The following MTMR3 variants were observed in gnomAD, a reference collection of about 807,000 sequenced individuals.
MTMR3 encodes myotubularin related protein 3, also known as phosphatidylinositol-3,5-bisphosphate 3-phosphatase MTMR3.
Under a neutral mutation model 132.4 loss-of-function variants are expected in MTMR3, and 32 were observed. The observed-to-expected ratio is 0.24, with a 90% confidence interval of 0.18 to 0.32. The LOEUF is 0.32. Among genes scored for constraint, MTMR3 ranks in the 10% least tolerant of loss-of-function variants. The pLI, the probability that MTMR3 is intolerant of heterozygous loss-of-function variation, is 1.00. For synonymous variants in MTMR3, 556 were observed against 550.3 expected (o/e 1.01, Z -0.14); for missense variants, 1,216 against 1,489.6 (o/e 0.82, Z 3.02).
At chr22:30,023,311 C>A in intron 19 of MTMR3, 1 of 770,532 alleles carries the variant, frequency 1.3e-6, no homozygotes, top group Admixed American at 2.0e-5. Context: ...TGCCATAGCT[C>A]ACCCACACGA....
At chr22:29,900,054 A>G (rs2064975528) in intron 1 of MTMR3, among the ~76,000 whole-genome samples, 1 of 152,326 alleles carries the variant, frequency 6.6e-6, no homozygotes, top group African/African-American at 2.4e-5. Context: ...CCTTTTTATT[A>G]TGATATAAAA....
intron 15 of MTMR3, chr22:30,017,473 A>T: frequency 6.3e-6 from 1 of 159,936 alleles, no homozygotes; most frequent in African/African-American, 2.4e-5. Flanking sequence ...CAGCAGGAAA[A>T]TTTCCTTCTT....
In MTMR3 at chr22:29,941,033, A is replaced by G. The variant is rs538817775; in HGVS notation, c.-137-16003A>G. Among the ~76,000 whole-genome samples the G allele has an allele frequency of 1.9e-4, 28 of 150,240 alleles. No individual in the cohort carries two copies. The East Asian group carries it at 5.2e-3, about 28-fold the overall frequency. On this transcript the variant is annotated intron_variant, in intron 1 of 19. Coordinates refer to ENST00000401950, the MANE Select transcript of MTMR3 (RefSeq NM_021090.4). ...CTCAATCATGATACAGAACTTTTAC[A>G]TCACATGAGAAAGTTCCTTTATGCA...
chr22:29,929,363 T>G (rs1006920631), intron 1 of MTMR3, among the ~76,000 whole-genome samples: 6 of 152,198 alleles, frequency 3.9e-5, no homozygotes, highest in African/African-American at 1.4e-4. Flanking sequence ...TCTGCCAATC[T>G]TTTTGATGGA....
chr22:29,942,593 C>T (rs749982495), intron 1 of MTMR3, among the ~76,000 whole-genome samples: 3 of 152,058 alleles, frequency 2.0e-5, no homozygotes, highest in South Asian at 2.1e-4. Context: ...CCGCTACGAC[C>T]GTAAAAGATA....
chr22:29,892,152 CAA>C (rs375103872), intron 1 of MTMR3, among the ~76,000 whole-genome samples: 4 of 130,600 alleles, frequency 3.1e-5, no homozygotes, highest in Admixed American at 1.6e-4. Flanking sequence ...GACTCCATCT[CAA>C]AAAAAAAAAA....
chr22:30,010,636 A>G (rs1421538174), intron 12 of MTMR3: 1 of 152,232 alleles, frequency 6.6e-6, no homozygotes, highest in African/African-American at 2.4e-5. Context: ...GTACAGCTTC[A>G]TTAGTCACAG....
At chr22:29,937,446 T>G (rs1193405226) in intron 1 of MTMR3, among the ~76,000 whole-genome samples, 1 of 151,936 alleles carries the variant, frequency 6.6e-6, no homozygotes, top group African/African-American at 2.4e-5. Context: ...GTCAGGGTCT[T>G]GCTCTGTTGC....
intron 14 of MTMR3, chr22:30,015,019 A>G (rs1047040286): frequency 1.2e-4 from 18 of 152,104 alleles, no homozygotes; most frequent in African/African-American, 3.9e-4. Flanking sequence ...GGCTGTCTTA[A>G]TGTTGATTCA....
chr22:29,888,417 G>C (rs2064721199), intron 1 of MTMR3, among the ~76,000 whole-genome samples: 1 of 152,098 alleles, frequency 6.6e-6, no homozygotes, highest in Non-Finnish European at 1.5e-5. Context: ...TAGTACTTGG[G>C]CAATGTGGAT....
intron 7 of MTMR3, chr22:29,993,384 T>C (rs2067001533): frequency 6.6e-6 from 1 of 152,212 alleles, no homozygotes; most frequent in South Asian, 2.1e-4. Context: ...AAATCTTACA[T>C]GTACAGTTTC....
chr22:29,942,484 A>G (rs556761948), intron 1 of MTMR3, among the ~76,000 whole-genome samples: 88 of 152,300 alleles, frequency 5.8e-4, no homozygotes, highest in Non-Finnish European at 1.3e-4. Context: ...ACAGGGTTTG[A>G]GAGCAGACAA....
At chr22:29,923,146 A>C (rs1351795524) in intron 1 of MTMR3, among the ~76,000 whole-genome samples, 1 of 148,532 alleles carries the variant, frequency 6.7e-6, no homozygotes, top group Admixed American at 6.8e-5. Flanking sequence ...GGTTCACGCC[A>C]TTCTCCTGCC....
chr22:30,006,109 C>A (rs2067268907), intron 9 of MTMR3: 1 of 152,198 alleles, frequency 6.6e-6, no homozygotes. Context: ...TAGCCTGTAT[C>A]AGAACTTTAT....
Position 29,971,029 on chromosome 22 carries a change from G to A in MTMR3, c.-31G>A. 1 of 1,587,848 alleles carries A rather than the reference G, an allele frequency of 6.3e-7. No homozygotes were observed. The highest frequency in any genetic ancestry group is 1.8e-5 in the Admixed American group (1 of 56,230). On this transcript the variant is annotated 5_prime_UTR_variant, in exon 3 of 20. Coordinates refer to ENST00000401950, the MANE Select transcript of MTMR3 (RefSeq NM_021090.4). ...TTGTTGGACACTGAAGAAGGGACGG[G>A]GATTTCTCCTCCTAATCTGGGCCTC...
Position 29,962,401 on chromosome 22 carries a change from T to A in MTMR3, c.-85+5313T>A, listed in dbSNP as rs953860104. On this transcript the variant is annotated intron_variant, in intron 2 of 19. Transcript: ENST00000401950. ...GAAACTTCAGGCCAGGTGTGGTGGC[T>A]AATGACTGTAATCCCAGCAGTTTGG... is the stretch of plus-strand genomic sequence containing the variant. 3.3e-4 allele frequency among the ~76,000 whole-genome samples: 51 copies of A among 152,282 alleles called. 1 individual carries two copies. Among genetic ancestry groups the A allele is most frequent in the Admixed American group, 3.1e-3 (47 of 15,286 alleles).
At chr22:29,964,589 C>T (rs536449418) in intron 2 of MTMR3, among the ~76,000 whole-genome samples, 1 of 152,254 alleles carries the variant, frequency 6.6e-6, no homozygotes, top group East Asian at 1.9e-4. Context: ...TCTCCCTTTG[C>T]TGCCACATCT....
intron 1 of MTMR3, among the ~76,000 whole-genome samples, chr22:29,894,042 G>A (rs1474342634): frequency 1.3e-5 from 2 of 151,942 alleles, no homozygotes; most frequent in Non-Finnish European, 2.9e-5. Flanking sequence ...ATGGGATTTC[G>A]CCATGTTGGC....
chr22:29,979,308 C>T (rs2066692440), intron 5 of MTMR3: 5 of 266,818 alleles, frequency 1.9e-5, no homozygotes, highest in East Asian at 1.0e-4. Flanking sequence ...CTGGCTAACA[C>T]GGTGAAACCC....
Sources: allele counts gnomAD v4.1 joint callset (sites outside exome capture counted in the v4.1 genomes callset), GRCh38; gene constraint gnomAD v4.1.1; transcripts MANE v1.5; gene names NCBI Gene and HGNC (gene_info 2026-07-23, HGNC 2026-07-21).